Variants in CEP72 observed in about 807,000 individuals in gnomAD.
CEP72 encodes centrosomal protein of 72 kDa.
CEP72 carries 78 observed loss-of-function variants against 65.7 expected under a neutral mutation model. That is an observed-to-expected ratio of 1.19 (90% CI 0.99 to 1.43). The LOEUF (loss-of-function observed/expected upper bound fraction) is 1.43, where lower values mean the gene tolerates loss of function less well. Ranked by LOEUF, CEP72 falls within the 40% of genes most tolerant of loss-of-function variation. CEP72 has a pLI of 0.00. For synonymous variants in CEP72, 358 were observed against 351.7 expected (o/e 1.02, Z -0.20); for missense variants, 914 against 832.9 (o/e 1.10, Z -1.20).
intron 9 of CEP72, chr5:642,451 G>GC (rs1738119143): frequency 1.0e-6 from 1 of 985,492 alleles, no homozygotes; most frequent in South Asian, 4.7e-5. Flanking sequence ...TGAGCTGGGC[G>GC]CCGTCACTGA....
rs1430582607 is a variant in CEP72, at chr5:645,006, T to TG, written c.1666+583dup. Among the ~76,000 whole-genome samples, 3 of 152,152 alleles carry TG rather than the reference T, an allele frequency of 2.0e-5. No homozygotes were observed. The highest frequency in any genetic ancestry group is 7.2e-5 in the African/African-American group (3 of 41,428). ...TGGATTTTAAATAAGGAAATGCTGA[T>TG]GGAGTCTGCTGTCCACGGTAACCTT... On this transcript the variant is annotated intron_variant, in intron 10 of 11. Transcript: ENST00000264935. The surrounding 1 kb of genome is among the most constrained non-coding windows in gnomAD (Gnocchi z 4.0).
intron 8 of CEP72, among the ~76,000 whole-genome samples, chr5:639,580 G>A (rs879819091): frequency 1.3e-5 from 2 of 152,182 alleles, no homozygotes; most frequent in African/African-American, 2.4e-5. Flanking sequence ...CTTCTCCCCC[G>A]ACCCAGACGT....
chr5:666,310 C>T (rs1048429009), intron 4 of CEP72, among the ~76,000 whole-genome samples: 4 of 152,220 alleles, frequency 2.6e-5, no homozygotes, highest in African/African-American at 9.6e-5. Flanking sequence ...AGCAGGTCCT[C>T]TATAAAGCTG....
intron 2 of CEP72, chr5:664,822 T>G: frequency 9.2e-6 from 4 of 435,668 alleles, no homozygotes; most frequent in South Asian, 3.0e-5. Flanking sequence ...ACGTGCCCAG[T>G]GTGGTGTGAT....
At position 645,726 on chromosome 5, in the gene CEP72, G is replaced by T. The variant is rs1022499069; in HGVS notation, c.1666+1301G>T. ...TGCAGCCACCTCTGCCCCTGAACTG[G>T]AACAACAGAGTAAATAATAGTCTAA... On this transcript the variant is annotated intron_variant, in intron 10 of 11. Coordinates refer to ENST00000264935, the MANE Select transcript of CEP72 (RefSeq NM_018140.4). The surrounding 1 kb of genome is among the most constrained non-coding windows in gnomAD (Gnocchi z 4.0). Among the ~76,000 whole-genome samples the T allele has an allele frequency of 6.6e-6, 1 of 152,368 alleles. No individual in the cohort carries two copies. The highest frequency in any genetic ancestry group is 1.9e-4 in the East Asian group (1 of 5,190).
chr5:626,151 T>C (rs1736745684), intron 4 of CEP72, among the ~76,000 whole-genome samples: 1 of 152,240 alleles, frequency 6.6e-6, no homozygotes, highest in African/African-American at 2.4e-5. Context: ...TTCTTTGTCA[T>C]TTTTTACATA....
At chr5:670,080 T>G (rs769270596), downstream of CEP72, among the ~76,000 whole-genome samples, 8 of 81,160 alleles carry the variant, frequency 9.9e-5, no homozygotes, top group Non-Finnish European at 2.5e-4. Flanking sequence ...AGGCTCTGAG[T>G]CCCCTGGCCT....
chr5:672,084 C>T (rs1740242228), downstream of CEP72, among the ~76,000 whole-genome samples: 1 of 152,252 alleles, frequency 6.6e-6, no homozygotes, highest in Non-Finnish European at 1.5e-5. Flanking sequence ...CTCTCCAAAC[C>T]TGGGTCCTGC....
At chr5:670,539 T>C (rs2126881543), downstream of CEP72, among the ~76,000 whole-genome samples, 1 of 152,150 alleles carries the variant, frequency 6.6e-6, no homozygotes, top group East Asian at 1.9e-4. Flanking sequence ...TGGGAAGGAC[T>C]CCCTGGCTGC....
chr5:665,944 C>T, exon 4 of CEP72: 1 of 1,500,748 alleles, frequency 6.7e-7, no homozygotes, highest in Non-Finnish European at 8.9e-7. Context: ...CCTCCAGGCC[C>T]CGCCTTCCAT....
intron 9 of CEP72, chr5:640,976 A>G (rs1737975851): frequency 1.0e-6 from 1 of 985,434 alleles, no homozygotes; most frequent in Non-Finnish European, 1.2e-6. Flanking sequence ...TATGAAGGAG[A>G]TGACGGCCAG....
downstream of CEP72, among the ~76,000 whole-genome samples, chr5:658,794 G>C (rs536340500): frequency 9.3e-5 from 14 of 150,988 alleles, no homozygotes; most frequent in African/African-American, 2.9e-4. Context: ...TCAGCCTCCC[G>C]AGTAGCTGGG....
Position 642,874 on chromosome 5 carries a change from C to A in CEP72, c.1540-1425C>A. 3.0e-6 allele frequency: 3 copies of A among 985,482 alleles called. No homozygotes were observed. In the African/African-American group the frequency reaches 5.2e-5, roughly 17 times the overall value. The allele number at this position is 985,482 out of a possible 1,614,324, so 61.0% of individuals were successfully genotyped here. The stretch of plus-strand genomic sequence containing the variant: ...AAGTTTACTCTGCCACGTGAGGACG[C>A]TCATCCCTCGGTCACATGAACCTAG... On this transcript the variant is annotated intron_variant, in intron 9 of 11. Coordinates refer to ENST00000264935, the MANE Select transcript of CEP72 (RefSeq NM_018140.4).
the CEP72 span, among the ~76,000 whole-genome samples, chr5:673,940 G>GGCGTGTGTGTGCAC: frequency 6.6e-6 from 1 of 152,242 alleles, no homozygotes; most frequent in Admixed American, 6.5e-5. Flanking sequence ...TGTGTGTGCA[G>GGCGTGTGTGTGCAC]GCGTGTGTGT....
intron 1 of CEP72, among the ~76,000 whole-genome samples, chr5:615,693 TAA>T (rs1431413527): frequency 3.9e-5 from 6 of 152,378 alleles, no homozygotes; most frequent in African/African-American, 1.4e-4. Context: ...TATTAGAACT[TAA>T]GTGTGCCATT....
In CEP72 at chr5:628,956, A is replaced by C. The variant is rs202241356; in HGVS notation, c.512+4377A>C. On this transcript the variant is annotated intron_variant, in intron 4 of 11. Coordinates refer to ENST00000264935, the MANE Select transcript of CEP72 (RefSeq NM_018140.4). ...CAGCGTTCTGGAGAACTCAGGTCAC[A>C]GGCCCCGGGGAGTGTTCCCAGGACC... 1.6e-3 allele frequency among the ~76,000 whole-genome samples: 180 copies of C among 113,222 alleles called. 1 individual carries two copies. The highest frequency in any genetic ancestry group is 6.0e-3 in the South Asian group (19 of 3,192). 74.3% of individuals were successfully genotyped at this position (113,222 alleles called of 152,430 possible).
rs1299532649 is a variant in CEP72 at position 635,302 on chromosome 5, A to T, written c.692-70A>T. 4 of 1,242,298 alleles carry T rather than the reference A, an allele frequency of 3.2e-6. No individual in the cohort carries two copies. The African/African-American group carries it at 6.0e-5, about 19-fold the overall frequency. 77.0% of individuals were successfully genotyped at this position (1,242,298 alleles called of 1,614,324 possible). A position where few individuals can be genotyped will look rare whatever the true frequency, so the allele number is the denominator to read the frequency against. On this transcript the variant is annotated intron_variant, in intron 5 of 11. Transcript: ENST00000264935. Reference sequence around the variant, plus strand: ...TACCATACACTATTCAGAAGCTTAAAATGTAATTTTTGATGGAATAAAACT... The same window carrying T: ...TACCATACACTATTCAGAAGCTTAATATGTAATTTTTGATGGAATAAAACT...
rs749328522 is a variant in CEP72, at chr5:637,606, T to C, written c.994T>C (p.Cys332Arg). 8 of 1,613,918 alleles carry C rather than the reference T, an allele frequency of 5.0e-6. No homozygotes were observed. The highest frequency in any genetic ancestry group is 3.3e-4 in the Middle Eastern group (2 of 6,084). The change falls in exon 7 of 12, where the codon TGC (cysteine) becomes CGC (arginine). Residue 332 changes from cysteine to arginine, a missense_variant. Cys to Arg is a radical substitution (Grantham distance 180). Coordinates refer to ENST00000264935, the MANE Select transcript of CEP72 (RefSeq NM_018140.4). ...VPGPLPAPGK[C>R]RKRRMPVGRF... is the part of the protein sequence containing the mutation. ...TGGTCCCCTGCCAGCCCCCGGAAAG[T>C]GCAGGAAGCGAAGAATGCCTGTTGG...
At chr5:638,372 C>T (rs1284349111) in intron 7 of CEP72, among the ~76,000 whole-genome samples, 2 of 152,104 alleles carry the variant, frequency 1.3e-5, no homozygotes, top group East Asian at 1.9e-4. Context: ...CAGTCAGAGG[C>T]GTTGAGACAC....
Sources: gnomAD v4.1 joint callset for allele counts (sites outside exome capture counted in the v4.1 genomes callset) on GRCh38, gnomAD v4.1.1 for gene constraint, Gnocchi (gnomAD v3.1) non-coding constraint, MANE v1.5 for transcripts, NCBI Gene and HGNC (gene_info 2026-07-23, HGNC 2026-07-21) for gene names.